The following CNTN6 variants were observed in gnomAD, a reference collection of about 807,000 sequenced individuals.
CNTN6 encodes the protein contactin-6.
CNTN6 carries 137 observed loss-of-function variants against 122.8 expected under a neutral mutation model. That is an observed-to-expected ratio of 1.12 (90% CI 0.97 to 1.29). The LOEUF (loss-of-function observed/expected upper bound fraction) is 1.29, where lower values mean the gene tolerates loss of function less well. Ranked by LOEUF, CNTN6 falls within the 50% of genes most tolerant of loss-of-function variation. The probability of loss-of-function intolerance (pLI) is 0.00; values close to 1 mark genes in which losing one functional copy is unlikely to be tolerated. For missense variants in CNTN6, 1,634 were observed against 1,223.4 expected, an observed-to-expected ratio of 1.34 and a Z score of -5.01; for synonymous variants, 570 against 426.0, an observed-to-expected ratio of 1.34 and a Z score of -4.16.
At chr3:1,382,655 A>G (rs1000618232) in intron 17 of CNTN6, among the ~76,000 whole-genome samples, 10 of 152,182 alleles carry the variant, frequency 6.6e-5, no homozygotes, top group Non-Finnish European at 1.2e-4. Context: ...AAATCTTTTA[A>G]ACTGTTTTAT....
chr3:1,319,025 T>C (rs1052345452), intron 7 of CNTN6, among the ~76,000 whole-genome samples: 1 of 151,494 alleles, frequency 6.6e-6, no homozygotes, highest in Non-Finnish European at 1.5e-5. Flanking sequence ...AGGGAAAAAA[T>C]GCTTGTCCAG....
At chr3:1,210,398 G>A (rs2094018249) in intron 2 of CNTN6, among the ~76,000 whole-genome samples, 1 of 151,180 alleles carries the variant, frequency 6.6e-6, no homozygotes, top group Non-Finnish European at 1.5e-5. Flanking sequence ...GTGAAGGGAA[G>A]GGAAGGAAAG....
intron 2 of CNTN6, among the ~76,000 whole-genome samples, chr3:1,188,997 G>A (rs916448535): frequency 3.9e-5 from 6 of 152,266 alleles, no homozygotes; most frequent in African/African-American, 1.4e-4. Flanking sequence ...GCATGCAGAT[G>A]TCCACAGGTG....
chr3:1,327,065 C>G (rs1274743810), intron 9 of CNTN6, among the ~76,000 whole-genome samples: 4 of 151,820 alleles, frequency 2.6e-5, no homozygotes, highest in Admixed American at 1.3e-4. Flanking sequence ...GTTTTTGAAA[C>G]TTTTGGAAAA....
chr3:1,116,009 A>G (rs1419495869), intron 1 of CNTN6, among the ~76,000 whole-genome samples: 15 of 152,198 alleles, frequency 9.9e-5, no homozygotes. Flanking sequence ...CATATCTTGG[A>G]ACCATAGTGA....
At chr3:1,102,246 A>C (rs2090939479) in intron 1 of CNTN6, among the ~76,000 whole-genome samples, 1 of 152,188 alleles carries the variant, frequency 6.6e-6, no homozygotes, top group Admixed American at 6.5e-5. Flanking sequence ...CTCTATATGG[A>C]GACCGCTGAG....
chr3:1,232,973 G>A (rs1258900768), intron 4 of CNTN6, among the ~76,000 whole-genome samples: 1 of 152,170 alleles, frequency 6.6e-6, no homozygotes, highest in Non-Finnish European at 1.5e-5. Flanking sequence ...GTGTGGGGAG[G>A]TGGGCAAAAG....
chr3:1,382,584 AGAAGT>A (rs140471416), intron 17 of CNTN6, among the ~76,000 whole-genome samples: 3,013 of 152,334 alleles, frequency 0.02, 108 homozygotes, highest in African/African-American at 0.069. Flanking sequence ...TAAATAGTTA[AGAAGT>A]TAATTTGTGC....
chr3:1,392,808 G>C (rs1694366782), intron 20 of CNTN6, among the ~76,000 whole-genome samples: 1 of 138,206 alleles, frequency 7.2e-6, no homozygotes, highest in African/African-American at 2.7e-5. Context: ...ATGAAAAAAT[G>C]CTCATCATCA....
chr3:1,169,881 C>T (rs920115496), intron 2 of CNTN6, among the ~76,000 whole-genome samples: 3 of 152,118 alleles, frequency 2.0e-5, no homozygotes, highest in African/African-American at 4.8e-5. Flanking sequence ...TGTGTATTTT[C>T]TTACAATTTT....
At chr3:1,243,985 G>A (rs556238240) in intron 4 of CNTN6, among the ~76,000 whole-genome samples, 20 of 152,118 alleles carry the variant, frequency 1.3e-4, no homozygotes, top group African/African-American at 3.9e-4. Context: ...GGGAGGGAAC[G>A]AAGTGTGAAA....
intron 20 of CNTN6, among the ~76,000 whole-genome samples, chr3:1,388,074 C>T (rs1187461016): frequency 6.6e-6 from 1 of 152,112 alleles, no homozygotes; most frequent in East Asian, 1.9e-4. Context: ...CTCAAGGAGG[C>T]CTGCCTGCAA....
At chr3:1,397,385 C>T (rs925268363) in intron 20 of CNTN6, among the ~76,000 whole-genome samples, 15 of 152,004 alleles carry the variant, frequency 9.9e-5, no homozygotes, top group African/African-American at 3.6e-4. Flanking sequence ...AACTTCCAGA[C>T]AGAAGGAACA....
intron 4 of CNTN6, among the ~76,000 whole-genome samples, chr3:1,238,062 C>T (rs2174265): frequency 0.11 from 15,985 of 151,564 alleles, 911 homozygotes; most frequent in African/African-American, 0.13. Flanking sequence ...CAAAATAGCA[C>T]GGTGAATAGA....
chr3:1,099,808 A>G (rs948878323), intron 1 of CNTN6, among the ~76,000 whole-genome samples: 3 of 152,162 alleles, frequency 2.0e-5, no homozygotes, highest in Non-Finnish European at 4.4e-5. Flanking sequence ...GTTTTTTAGT[A>G]AACAGTCTTT....
chr3:1,328,471 C>T (rs1310693535), intron 10 of CNTN6, among the ~76,000 whole-genome samples: 1 of 151,774 alleles, frequency 6.6e-6, no homozygotes, highest in Non-Finnish European at 1.5e-5. Context: ...CTCATTCTTT[C>T]TATCGCTACT....
At chr3:1,278,566 G>T in intron 5 of CNTN6, 58 bp downstream of exon 5, 4 of 1,186,232 alleles carry the variant, frequency 3.4e-6, no homozygotes, top group East Asian at 2.4e-5. Context: ...AGTGATGTGA[G>T]CACATCAGGT....
intron 2 of CNTN6, among the ~76,000 whole-genome samples, chr3:1,170,860 T>C (rs1040894418): frequency 6.6e-6 from 1 of 152,206 alleles, no homozygotes; most frequent in Non-Finnish European, 1.5e-5. Context: ...CAAACCTTGC[T>C]TAGCATCTAT....
At chr3:1,300,808 C>A (rs1005974757) in intron 7 of CNTN6, among the ~76,000 whole-genome samples, 2 of 151,732 alleles carry the variant, frequency 1.3e-5, no homozygotes, top group Non-Finnish European at 2.9e-5. Flanking sequence ...TCTCTCTCCC[C>A]CTCTCTCTCT....
Sources: allele counts gnomAD v4.1 joint callset (sites outside exome capture counted in the v4.1 genomes callset), GRCh38; gene constraint gnomAD v4.1.1; transcripts MANE v1.5; gene names NCBI Gene and HGNC (gene_info 2026-07-23, HGNC 2026-07-21).